Variants in ANKRD54 observed in about 807,000 individuals in gnomAD.
The protein encoded by ANKRD54 is ankyrin repeat domain 54.
A neutral mutation model predicts 36.2 loss-of-function variants in ANKRD54; 26 were observed. The observed-to-expected ratio is 0.72, with a 90% CI of 0.53 to 1.00. The LOEUF is 1.00. Among genes scored for constraint, ANKRD54 ranks in the 50% least tolerant of loss-of-function variants. ANKRD54 has a pLI of 0.00. For synonymous variants in ANKRD54, 209 were observed against 188.4 expected (o/e 1.11, Z -0.89); for missense variants, 384 against 424.3 (o/e 0.91, Z 0.83).
chr22:37,831,979 G>A lies in ANKRD54; in HGVS notation c.867C>T (p.Ser289=). ...EVTDLLASFT[S]LSLQMQSMEK... Reference sequence around the variant, plus strand: ...CCATGCTCTGCATCTGCAGACTGAGGGAGGTGAAGCTGGCCAGGAGGTCAG... The same window carrying A: ...CCATGCTCTGCATCTGCAGACTGAGAGAGGTGAAGCTGGCCAGGAGGTCAG... Residue 289 remains serine (S), a synonymous_variant, in exon 8 of 8, where the codon TCC becomes TCT. Coordinates refer to ENST00000215941, the MANE Select transcript of ANKRD54 (RefSeq NM_138797.4). The A allele has an allele frequency of 6.2e-7, 1 of 1,613,742 alleles. No homozygotes were observed. The highest frequency in any genetic ancestry group is 8.5e-7 in the Non-Finnish European group (1 of 1,179,888).
upstream of ANKRD54, among the ~76,000 whole-genome samples, chr22:37,847,459 G>A (rs1924902810): frequency 6.6e-6 from 1 of 152,124 alleles, no homozygotes; most frequent in Non-Finnish European, 1.5e-5. Context: ...ACTGTGCCAG[G>A]CCTCGGAGAA....
chr22:37,845,550 A>G (rs140765829), upstream of ANKRD54, among the ~76,000 whole-genome samples: 363 of 152,240 alleles, frequency 2.4e-3, 1 homozygote, highest in Non-Finnish European at 4.1e-3. Flanking sequence ...AGTTCTTTCC[A>G]TATATAAACC....
intron 7 of ANKRD54, among the ~76,000 whole-genome samples, 166 bp from the exon 8 acceptor site, chr22:37,832,183 AGGT>A (rs767920003): frequency 6.6e-6 from 1 of 152,154 alleles, no homozygotes; most frequent in South Asian, 2.1e-4. Context: ...CTTTGACACC[AGGT>A]GGCCTAGCGC....
In ANKRD54 at chr22:37,838,274, C is replaced by T. The variant is rs1923789080; in HGVS notation, c.475+226G>A. Among the ~76,000 whole-genome samples the T allele has an allele frequency of 2.6e-5, 4 of 152,318 alleles. No homozygotes were observed. In the South Asian group the frequency reaches 8.3e-4, roughly 32 times the overall value. On this transcript the variant is annotated intron_variant, in intron 3 of 7. Coordinates refer to ENST00000215941, the MANE Select transcript of ANKRD54 (RefSeq NM_138797.4). ...TCTTAGTTGGAGATATCCCTTCATC[C>T]TCAGTCAATCATATTATCTCCCCCA...
At chr22:37,833,783 T>C (rs772700745) in intron 3 of ANKRD54, 28 bp from the exon 4 acceptor site, 47 of 1,610,328 alleles carry the variant, frequency 2.9e-5, no homozygotes, top group Non-Finnish European at 3.9e-5. Context: ...CAAGAGGAGT[T>C]GTCGGAGGCT....
Position 37,832,303 on chromosome 22 carries a change from C to T in ANKRD54, c.829-286G>A, listed in dbSNP as rs1432827401. 3.9e-5 allele frequency among the ~76,000 whole-genome samples: 6 copies of T among 151,902 alleles called. No homozygotes were observed. In the East Asian group the frequency reaches 9.7e-4, roughly 25 times the overall value. ...CCCCACAATCATAGGCTCTTTCCCC[C>T]ACTTTTTTTGTTTGAGACAGGGCCT... On this transcript the variant is annotated intron_variant, in intron 7 of 7. Coordinates refer to ENST00000215941, the MANE Select transcript of ANKRD54 (RefSeq NM_138797.4).
rs1470107310 is a variant in ANKRD54 at position 37,831,908 on chromosome 22, T to TG, written c.*34dup. On this transcript the variant is annotated 3_prime_UTR_variant, in exon 8 of 8. Transcript: ENST00000215941. ...GTACTGAGACAGCAGTGGGGCAGGG[T>TG]GGGGCAGTGGCAGGAAGGCAGGGAG... 6 of 1,607,028 alleles carry TG rather than the reference T, an allele frequency of 3.7e-6. No individual in the cohort carries two copies. In the African/African-American group the frequency reaches 8.0e-5, roughly 21 times the overall value.
intron 3 of ANKRD54, among the ~76,000 whole-genome samples, chr22:37,836,959 G>A (rs921967675): frequency 6.6e-6 from 1 of 151,204 alleles, no homozygotes. Flanking sequence ...AACCCAGGAG[G>A]TGGAGGTTGC....
At position 37,831,904 on chromosome 22, in the gene ANKRD54, AGGGT is replaced by A; in HGVS notation, c.*35_*38del. On this transcript the variant is annotated 3_prime_UTR_variant, in exon 8 of 8. Coordinates refer to ENST00000215941, the MANE Select transcript of ANKRD54 (RefSeq NM_138797.4). ...CTTGGTACTGAGACAGCAGTGGGGC[AGGGT>A]GGGGCAGTGGCAGGAAGGCAGGGAG... The A allele has an allele frequency of 6.2e-7, 1 of 1,602,464 alleles. No individual in the cohort carries two copies. The highest frequency in any genetic ancestry group is 8.5e-7 in the Non-Finnish European group (1 of 1,171,546).
intron 1 of ANKRD54, among the ~76,000 whole-genome samples, chr22:37,841,727 T>C (rs1285490789): frequency 6.7e-6 from 1 of 148,938 alleles, no homozygotes; most frequent in Non-Finnish European, 1.5e-5. Context: ...GCATGCCTGT[T>C]ATCCCAACTA....
At chr22:37,838,708 C>T (rs1923849136) in intron 2 of ANKRD54, 110 bp from the exon 3 acceptor site, 8 of 1,032,506 alleles carry the variant, frequency 7.7e-6, no homozygotes, top group South Asian at 4.4e-5. Flanking sequence ...GACAAGACAT[C>T]GACAATGCAT....
chr22:37,841,002 A>G (rs950442677), intron 1 of ANKRD54, among the ~76,000 whole-genome samples: 1 of 150,662 alleles, frequency 6.6e-6, no homozygotes, highest in Admixed American at 6.6e-5. Flanking sequence ...GAATGGGTTG[A>G]AGCCGGAAGG....
chr22:37,838,986 C>T (rs1446081200), intron 2 of ANKRD54, among the ~76,000 whole-genome samples: 1 of 152,126 alleles, frequency 6.6e-6, no homozygotes, highest in Admixed American at 6.6e-5. Context: ...ATGCTATGCT[C>T]CCAGCAGGCA....
At chr22:37,843,091 C>T (rs956655532) in intron 1 of ANKRD54, among the ~76,000 whole-genome samples, 1 of 152,206 alleles carries the variant, frequency 6.6e-6, no homozygotes, top group African/African-American at 2.4e-5. Context: ...GCTAAACATC[C>T]ATTACCTTAC....
intron 7 of ANKRD54, 99 bp from the exon 8 acceptor site, chr22:37,832,116 T>G: frequency 1.6e-4 from 184 of 1,173,834 alleles, no homozygotes; most frequent in Middle Eastern, 2.7e-4. Context: ...AGGCACGGTC[T>G]CTCCTCCCAG....
intron 4 of ANKRD54, 59 bp from the exon 5 acceptor site, chr22:37,833,265 G>A (rs1923126387): frequency 6.9e-6 from 11 of 1,593,982 alleles, no homozygotes; most frequent in Non-Finnish European, 9.4e-6. Flanking sequence ...GCTCTGCGTG[G>A]CCACTGGAGG....
chr22:37,838,383 C>T, intron 3 of ANKRD54, 117 bp downstream of exon 3: 1 of 1,021,930 alleles, frequency 9.8e-7, no homozygotes, highest in South Asian at 1.6e-5. Context: ...CCAAGTCTTC[C>T]TTATATCCAG....
intron 3 of ANKRD54, among the ~76,000 whole-genome samples, chr22:37,835,800 T>C (rs1253817216): frequency 3.9e-5 from 6 of 152,138 alleles, no homozygotes; most frequent in African/African-American, 7.2e-5. Context: ...AGTGAGACTT[T>C]GTCTCAAAAA....
At position 37,832,955 on chromosome 22, in the gene ANKRD54, C is replaced by A; in HGVS notation, c.720+3G>T. The stretch of plus-strand genomic sequence containing the variant: ...GTGGTCTCCACACAGAAGGGGTACT[C>A]ACCTGCTTCACCTCCAGACGCACAG... On this transcript the variant is annotated splice_donor_region_variant and intron_variant, in intron 6 of 7. Transcript: ENST00000215941. 6.2e-7 allele frequency: 1 copy of A among 1,613,446 alleles called. No individual in the cohort carries two copies. Among genetic ancestry groups the A allele is most frequent in the South Asian group, 1.1e-5 (1 of 91,060 alleles).
Sources: gnomAD v4.1 joint callset for allele counts (sites outside exome capture counted in the v4.1 genomes callset) on GRCh38, gnomAD v4.1.1 for gene constraint, MANE v1.5 for transcripts, NCBI Gene and HGNC (gene_info 2026-07-23, HGNC 2026-07-21) for gene names.